RABGAP1L: variants seen among roughly 807,000 people sequenced by gnomAD.
RABGAP1L encodes RAB GTPase activating protein 1 like, also known as rab GTPase-activating protein 1-like.
Under a neutral mutation model 137.7 loss-of-function variants are expected in RABGAP1L, and 63 were observed. The ratio of observed to expected loss-of-function variants is 0.46; its 90% CI spans 0.37 to 0.56. The LOEUF is 0.56. RABGAP1L is among the 20% of genes least tolerant of loss of function. The pLI is 0.00. For missense variants in RABGAP1L, 1,095 were observed against 1,244.0 expected, an observed-to-expected ratio of 0.88 and a Z score of 1.80; for synonymous variants, 431 against 433.7, an observed-to-expected ratio of 0.99 and a Z score of 0.08.
At chr1:174,564,686 T>G (rs970567313) in intron 13 of RABGAP1L, among the ~76,000 whole-genome samples, 2 of 152,190 alleles carry the variant, frequency 1.3e-5, no homozygotes, top group Non-Finnish European at 2.9e-5. Flanking sequence ...TCTGGTTGGA[T>G]TTCAGGCAGC....
At chr1:174,742,790 T>C (rs576617034) in intron 17 of RABGAP1L, among the ~76,000 whole-genome samples, 1 of 151,258 alleles carries the variant, frequency 6.6e-6, no homozygotes, top group South Asian at 2.1e-4. Context: ...GAAAGGTGAA[T>C]GCCAGTATTC....
In RABGAP1L at chr1:174,551,007, T is replaced by TATATAC. The variant is rs1553330316; in HGVS notation, c.1711-86363_1711-86362insCATATA. The stretch of plus-strand genomic sequence containing the variant: ...ACATATATATATATACACATATATA[T>TATATAC]ATATATATATATATACATACACACA... On this transcript the variant is annotated intron_variant, in intron 13 of 25. Coordinates refer to ENST00000681986, the MANE Select transcript of RABGAP1L (RefSeq NM_001366446.1). Among the ~76,000 whole-genome samples the TATATAC allele has an allele frequency of 1.4e-3, 176 of 124,332 alleles. 21 individuals carry two copies. The highest frequency in any genetic ancestry group is 6.0e-3 in the African/African-American group (165 of 27,344). 81.6% of individuals were successfully genotyped at this position (124,332 alleles called of 152,430 possible).
chr1:174,271,580 C>T (rs532914934), intron 7 of RABGAP1L, among the ~76,000 whole-genome samples: 6 of 152,074 alleles, frequency 3.9e-5, no homozygotes, highest in African/African-American at 7.2e-5. Flanking sequence ...TCTCAAGTTA[C>T]GAGACCTATA....
chr1:174,309,675 A>G (rs1006049745), intron 11 of RABGAP1L, among the ~76,000 whole-genome samples: 1 of 152,030 alleles, frequency 6.6e-6, no homozygotes, highest in African/African-American at 2.4e-5. Flanking sequence ...GCATATGTTA[A>G]CTCATTCTTG....
chr1:174,266,084 T>C (rs1184155708), intron 7 of RABGAP1L, among the ~76,000 whole-genome samples: 1 of 152,084 alleles, frequency 6.6e-6, no homozygotes, highest in Non-Finnish European at 1.5e-5. Context: ...GTTACTAGAG[T>C]GAAATTTTTA....
chr1:174,709,000 C>T (rs1049732939), intron 17 of RABGAP1L, among the ~76,000 whole-genome samples: 5 of 152,246 alleles, frequency 3.3e-5, no homozygotes, highest in South Asian at 4.1e-4. Context: ...GAGGTGCTGC[C>T]ATTACTGAGG....
intron 14 of RABGAP1L, among the ~76,000 whole-genome samples, chr1:174,656,227 C>G (rs924072797): frequency 8.5e-5 from 13 of 152,148 alleles, no homozygotes; most frequent in Non-Finnish European, 1.5e-5. Context: ...GAGGCCACGG[C>G]GGGTGGATGA....
intron 1 of RABGAP1L, among the ~76,000 whole-genome samples, chr1:174,214,383 C>G (rs1303446815): frequency 6.6e-6 from 1 of 151,910 alleles, no homozygotes; most frequent in African/African-American, 2.4e-5. Flanking sequence ...GTTGGAGGAA[C>G]CAATATTGTT....
intron 24 of RABGAP1L, among the ~76,000 whole-genome samples, 178 bp downstream of exon 24, chr1:174,983,083 T>A (rs1333713899): frequency 6.6e-6 from 1 of 152,196 alleles, no homozygotes; most frequent in Admixed American, 6.5e-5. Context: ...AGGTGAAAGG[T>A]TATGATGCTC....
At chr1:174,842,824 T>C (rs1693560889) in intron 19 of RABGAP1L, among the ~76,000 whole-genome samples, 1 of 152,194 alleles carries the variant, frequency 6.6e-6, no homozygotes, top group Admixed American at 6.5e-5. Context: ...TCCAAAACTA[T>C]ATATAATCAC....
intron 17 of RABGAP1L, among the ~76,000 whole-genome samples, chr1:174,713,878 T>C (rs1386788615): frequency 1.3e-5 from 2 of 152,232 alleles, no homozygotes; most frequent in Admixed American, 1.3e-4. Flanking sequence ...TCCTATCTGT[T>C]CTTCCCACTT....
chr1:174,604,958 T>C (rs765052404), intron 13 of RABGAP1L, among the ~76,000 whole-genome samples: 1 of 152,056 alleles, frequency 6.6e-6, no homozygotes, highest in Non-Finnish European at 1.5e-5. Flanking sequence ...CTGGCCAACA[T>C]TGTGAAACCC....
At position 174,367,451 on chromosome 1, in the gene RABGAP1L, G is replaced by T. The variant is rs149715209; in HGVS notation, c.1466-3528G>T. On this transcript the variant is annotated intron_variant, in intron 11 of 25. Transcript: ENST00000681986. ...TAGCAGTTGTTCCGTGTTCAACTGG[G>T]CCTGAACCTTCTTCAGGCCTCTTCC... 4.3e-3 allele frequency: 902 copies of T among 210,932 alleles called. 5 individuals are homozygous for T. The highest frequency in any genetic ancestry group is 0.011 in the Middle Eastern group (9 of 822). The allele number at this position is 210,932 out of a possible 1,614,324, so 13.1% of individuals were successfully genotyped here.
intron 13 of RABGAP1L, among the ~76,000 whole-genome samples, chr1:174,497,276 T>C (rs950693404): frequency 1.3e-5 from 2 of 152,228 alleles, no homozygotes; most frequent in Non-Finnish European, 2.9e-5. Context: ...TTATCAAGTA[T>C]AGTAATAGCT....
At chr1:174,253,073 T>C (rs1672845222) in intron 7 of RABGAP1L, among the ~76,000 whole-genome samples, 2 of 152,078 alleles carry the variant, frequency 1.3e-5, no homozygotes, top group African/African-American at 4.8e-5. Flanking sequence ...GAAATGATAG[T>C]TCTGGAAAAA....
At chr1:174,904,480 A>G (rs1309393031) in intron 19 of RABGAP1L, among the ~76,000 whole-genome samples, 2 of 152,180 alleles carry the variant, frequency 1.3e-5, no homozygotes, top group Non-Finnish European at 2.9e-5. Flanking sequence ...ATGACTGCCT[A>G]AAGGGAGGAA....
At chr1:174,394,633 A>G (rs1250211288) in intron 13 of RABGAP1L, among the ~76,000 whole-genome samples, 1 of 152,146 alleles carries the variant, frequency 6.6e-6, no homozygotes, top group Non-Finnish European at 1.5e-5. Context: ...TTATGTCTAA[A>G]TACCTGGTTT....
intron 14 of RABGAP1L, among the ~76,000 whole-genome samples, chr1:174,665,780 A>G (rs920096198): frequency 2.0e-5 from 3 of 152,236 alleles, no homozygotes; most frequent in South Asian, 2.1e-4. Context: ...TTCTTTATCT[A>G]TAAAATTGAG....
intron 13 of RABGAP1L, among the ~76,000 whole-genome samples, chr1:174,501,062 T>A (rs767405098): frequency 3.3e-5 from 5 of 152,150 alleles, no homozygotes; most frequent in Non-Finnish European, 7.4e-5. Flanking sequence ...AATAAGCATT[T>A]CCTGTTGTAA....
Sources: allele counts gnomAD v4.1 joint callset (sites outside exome capture counted in the v4.1 genomes callset), GRCh38; gene constraint gnomAD v4.1.1; transcripts MANE v1.5; gene names NCBI Gene and HGNC (gene_info 2026-07-23, HGNC 2026-07-21).